SPAG16: variants seen among roughly 807,000 people sequenced by gnomAD.
SPAG16 encodes the protein sperm-associated antigen 16 protein.
SPAG16 carries 86 observed loss-of-function variants against 80.4 expected under a neutral mutation model. The ratio of observed to expected loss-of-function variants is 1.07; its 90% confidence interval spans 0.90 to 1.28. The LOEUF is 1.28. SPAG16 is among the 50% of genes most tolerant of loss of function. The pLI is 0.00. For missense variants in SPAG16, 870 were observed against 765.3 expected, an observed-to-expected ratio of 1.14 and a Z score of -1.61; for synonymous variants, 294 against 265.9, an observed-to-expected ratio of 1.11 and a Z score of -1.03.
At chr2:214,405,301 A>G (rs1380110356) in intron 15 of SPAG16, among the ~76,000 whole-genome samples, 1 of 151,956 alleles carries the variant, frequency 6.6e-6, no homozygotes, top group East Asian at 1.9e-4. Context: ...TTTCTTTTAA[A>G]TTTTTTGTAG....
chr2:213,938,189 C>T lies in SPAG16; in HGVS notation c.1400+8044C>T, dbSNP rs146255821. 2.0e-4 allele frequency among the ~76,000 whole-genome samples: 30 copies of T among 152,012 alleles called. No individual in the cohort carries two copies. In the East Asian group the frequency reaches 5.2e-3, roughly 26 times the overall value. ...CAAGAACTTTACCATGTTAAATATG[C>T]AACACCTTTTCTCCAACTCTGCACA... On this transcript the variant is annotated intron_variant, in intron 12 of 15. Transcript: ENST00000331683.
chr2:214,214,842 C>G (rs963639285), intron 15 of SPAG16, among the ~76,000 whole-genome samples: 5 of 151,030 alleles, frequency 3.3e-5, no homozygotes, highest in Non-Finnish European at 7.4e-5. Context: ...GAAATATTTC[C>G]TAATAGGAAC....
At chr2:213,449,357 G>A (rs2071547475) in intron 9 of SPAG16, among the ~76,000 whole-genome samples, 1 of 152,178 alleles carries the variant, frequency 6.6e-6, no homozygotes, top group South Asian at 2.1e-4. Flanking sequence ...TCAGAAGCAT[G>A]TGATCTTTGT....
At chr2:213,566,471 AG>A (rs1047122925) in intron 10 of SPAG16, among the ~76,000 whole-genome samples, 1 of 152,110 alleles carries the variant, frequency 6.6e-6, no homozygotes, top group Non-Finnish European at 1.5e-5. Context: ...ATACAATTTG[AG>A]GAAAAAGGAT....
chr2:213,664,201 A>G (rs1186725721), intron 10 of SPAG16, among the ~76,000 whole-genome samples: 1 of 151,990 alleles, frequency 6.6e-6, no homozygotes, highest in African/African-American at 2.4e-5. Flanking sequence ...ACTTTATAGG[A>G]GCCTTATGAT....
chr2:213,955,107 G>A (rs540211327), intron 12 of SPAG16, among the ~76,000 whole-genome samples: 106 of 151,866 alleles, frequency 7.0e-4, no homozygotes, highest in African/African-American at 2.3e-3. Context: ...TGGCTCGTCT[G>A]TTCACTTTTT....
chr2:213,311,613 G>A (rs145064739), intron 4 of SPAG16, among the ~76,000 whole-genome samples: 3 of 151,650 alleles, frequency 2.0e-5, no homozygotes, highest in Non-Finnish European at 4.4e-5. Flanking sequence ...TTGGTATAAC[G>A]CATTTCTTTA....
intron 9 of SPAG16, among the ~76,000 whole-genome samples, chr2:213,403,741 C>G (rs985722462): frequency 5.9e-5 from 9 of 152,084 alleles, no homozygotes; most frequent in Admixed American, 5.9e-4. Context: ...AAAGCGTATT[C>G]AATTAGGAAA....
chr2:214,117,395 T>C (rs1211454845), intron 14 of SPAG16, among the ~76,000 whole-genome samples: 1 of 152,188 alleles, frequency 6.6e-6, no homozygotes, highest in Non-Finnish European at 1.5e-5. Context: ...AGAAGTAGGC[T>C]TCACTGCTGA....
At chr2:213,470,808 T>G (rs1323992262) in intron 9 of SPAG16, among the ~76,000 whole-genome samples, 1 of 152,234 alleles carries the variant, frequency 6.6e-6, no homozygotes, top group African/African-American at 2.4e-5. Flanking sequence ...GTGCTGAGGT[T>G]ACCCATAGGT....
intron 10 of SPAG16, among the ~76,000 whole-genome samples, chr2:213,679,401 A>G (rs2064266567): frequency 6.6e-6 from 1 of 152,202 alleles, no homozygotes; most frequent in Non-Finnish European, 1.5e-5. Context: ...GGTACTCCAG[A>G]AAGTAGAACT....
intron 10 of SPAG16, among the ~76,000 whole-genome samples, chr2:213,826,149 T>A (rs1195512625): frequency 6.6e-6 from 1 of 152,098 alleles, no homozygotes; most frequent in Non-Finnish European, 1.5e-5. Context: ...TCTCTCTTTT[T>A]TCACAGTCTG....
intron 7 of SPAG16, among the ~76,000 whole-genome samples, chr2:213,351,590 T>A (rs368896325): frequency 9.2e-5 from 14 of 152,306 alleles, no homozygotes; most frequent in African/African-American, 3.4e-4. Context: ...TTTTTTAGAA[T>A]ATATAAAACT....
intron 15 of SPAG16, among the ~76,000 whole-genome samples, chr2:214,276,963 C>G (rs566395608): frequency 6.6e-6 from 1 of 151,840 alleles, no homozygotes; most frequent in Non-Finnish European, 1.5e-5. Flanking sequence ...TCACATAGTC[C>G]CATATTTCTC....
intron 15 of SPAG16, among the ~76,000 whole-genome samples, chr2:214,212,504 T>C (rs2058321033): frequency 6.6e-6 from 1 of 152,182 alleles, no homozygotes; most frequent in African/African-American, 2.4e-5. Flanking sequence ...TGTTTGACTC[T>C]TGTGAAGTGA....
At chr2:213,850,688 G>T (rs1348455646) in intron 10 of SPAG16, among the ~76,000 whole-genome samples, 2 of 148,508 alleles carry the variant, frequency 1.3e-5, no homozygotes, top group African/African-American at 5.0e-5. Flanking sequence ...GAGAAATTCT[G>T]TTTTTTTTTT....
At chr2:214,023,067 T>C (rs530272269) in intron 13 of SPAG16, among the ~76,000 whole-genome samples, 4 of 152,110 alleles carry the variant, frequency 2.6e-5, no homozygotes, top group South Asian at 2.1e-4. Flanking sequence ...CCGTTCTCAA[T>C]TATCCCATTT....
chr2:213,913,962 T>A (rs1394915114), intron 11 of SPAG16, among the ~76,000 whole-genome samples: 1 of 152,100 alleles, frequency 6.6e-6, no homozygotes, highest in African/African-American at 2.4e-5. Context: ...TTGTAGAGAA[T>A]AATCAGCTTT....
chr2:214,324,676 A>G (rs1696347626), intron 15 of SPAG16, among the ~76,000 whole-genome samples: 1 of 152,182 alleles, frequency 6.6e-6, no homozygotes, highest in African/African-American at 2.4e-5. Flanking sequence ...TAAAGGGAAA[A>G]AAAATAGAAA....
Sources: allele counts gnomAD v4.1 joint callset (sites outside exome capture counted in the v4.1 genomes callset), GRCh38; gene constraint gnomAD v4.1.1; transcripts MANE v1.5; gene names NCBI Gene and HGNC (gene_info 2026-07-23, HGNC 2026-07-21).